The following NKAIN3 variants were observed in gnomAD, a reference collection of about 807,000 sequenced individuals.
NKAIN3 encodes sodium/potassium-transporting ATPase subunit beta-1-interacting protein 3.
A neutral mutation model predicts 30.2 loss-of-function variants in NKAIN3; 25 were observed. The observed-to-expected ratio is 0.83, with a 90% CI of 0.60 to 1.16. NKAIN3 has a LOEUF of 1.16. NKAIN3 is among the 50% of genes most tolerant of loss of function. The pLI is 0.00. For missense variants in NKAIN3, 225 were observed against 254.1 expected (o/e 0.89, Z 0.78); for synonymous variants, 91 against 89.6 (o/e 1.02, Z -0.09).
At chr8:62,674,980 G>A (rs904568632) in intron 3 of NKAIN3, among the ~76,000 whole-genome samples, 10 of 152,242 alleles carry the variant, frequency 6.6e-5, no homozygotes, top group South Asian at 6.2e-4. Context: ...ACACACAGGC[G>A]TCCACATGAA....
At chr8:62,351,043 G>A (rs1453027108) in intron 1 of NKAIN3, among the ~76,000 whole-genome samples, 8 of 150,734 alleles carry the variant, frequency 5.3e-5, no homozygotes, top group Non-Finnish European at 1.5e-5. Flanking sequence ...TCAGACAGAA[G>A]TATATAAAAA....
chr8:62,303,693 C>A (rs1305983217), intron 1 of NKAIN3, among the ~76,000 whole-genome samples: 1 of 150,350 alleles, frequency 6.7e-6, no homozygotes, highest in African/African-American at 2.5e-5. Flanking sequence ...TGAAAAAAAT[C>A]AGATAACTTC....
intron 3 of NKAIN3, among the ~76,000 whole-genome samples, chr8:62,651,799 C>A (rs1030104352): frequency 2.0e-5 from 3 of 152,076 alleles, no homozygotes; most frequent in Non-Finnish European, 4.4e-5. Context: ...TCACTCAGTT[C>A]ACATGGGTTC....
intron 3 of NKAIN3, among the ~76,000 whole-genome samples, chr8:62,696,636 A>G (rs1814163826): frequency 6.6e-6 from 1 of 151,758 alleles, no homozygotes; most frequent in South Asian, 2.1e-4. Context: ...TTGATTCTAC[A>G]TTTAGTTCTC....
chr8:62,326,926 G>A (rs1815160760), intron 1 of NKAIN3, among the ~76,000 whole-genome samples: 1 of 151,932 alleles, frequency 6.6e-6, no homozygotes, highest in African/African-American at 2.4e-5. Context: ...CGCCGACAGG[G>A]AATAAAGATG....
intron 3 of NKAIN3, among the ~76,000 whole-genome samples, chr8:62,688,724 A>G (rs1813869358): frequency 1.4e-5 from 2 of 147,512 alleles, no homozygotes; most frequent in Non-Finnish European, 3.0e-5. Flanking sequence ...ACATAGACAC[A>G]GACAGACAGA....
intron 3 of NKAIN3, among the ~76,000 whole-genome samples, chr8:62,628,017 C>T (rs1811841821): frequency 6.6e-6 from 1 of 152,088 alleles, no homozygotes; most frequent in African/African-American, 2.4e-5. Flanking sequence ...TCATCACAGC[C>T]ACCCAGATCT....
Position 62,850,189 on chromosome 8 carries a change from A to G in NKAIN3, c.472-68264A>G, listed in dbSNP as rs200612131. On this transcript the variant is annotated intron_variant, in intron 4 of 6. Coordinates refer to ENST00000623646, the MANE Select transcript of NKAIN3 (RefSeq NM_001304533.3). ...CTATCTCATTGTGGTTTTGATTTGC[A>G]TTTCTCTGATGGCCAGTGATGATGA... 2.0e-4 allele frequency among the ~76,000 whole-genome samples: 31 copies of G among 152,110 alleles called. No individual in the cohort carries two copies. The East Asian group carries it at 5.6e-3, about 28-fold the overall frequency.
chr8:62,958,291 C>G (rs774096369), intron 6 of NKAIN3, among the ~76,000 whole-genome samples: 1 of 152,056 alleles, frequency 6.6e-6, no homozygotes, highest in South Asian at 2.1e-4. Flanking sequence ...CTAAAGCTAT[C>G]GAGATGCTTT....
At chr8:62,625,775 CTTCCTTT>C (rs1333960594) in intron 3 of NKAIN3, among the ~76,000 whole-genome samples, 1 of 152,014 alleles carries the variant, frequency 6.6e-6, no homozygotes, top group African/African-American at 2.4e-5. Context: ...GCCATTTTCT[CTTCCTTT>C]TTCCTTTGTT....
chr8:62,948,350 C>A (rs1384300804), intron 5 of NKAIN3, among the ~76,000 whole-genome samples: 1 of 152,034 alleles, frequency 6.6e-6, no homozygotes, highest in Non-Finnish European at 1.5e-5. Context: ...CAGGCACGCG[C>A]CACCACGCCC....
intron 3 of NKAIN3, among the ~76,000 whole-genome samples, chr8:62,701,262 C>T (rs1460286242): frequency 6.6e-6 from 1 of 152,160 alleles, no homozygotes; most frequent in Non-Finnish European, 1.5e-5. Flanking sequence ...AGTGGAGTCT[C>T]AGTTTGGTGT....
chr8:62,847,794 A>AT (rs35516763), intron 4 of NKAIN3, among the ~76,000 whole-genome samples: 121,231 of 151,986 alleles, frequency 0.8, 48,768 homozygotes, highest in South Asian at 0.87. Context: ...GTTTTCTTCT[A>AT]GGTTTTTATA....
At chr8:62,794,682 G>A (rs1277010456) in intron 4 of NKAIN3, among the ~76,000 whole-genome samples, 1 of 152,132 alleles carries the variant, frequency 6.6e-6, no homozygotes, top group African/African-American at 2.4e-5. Flanking sequence ...TTATTAGGGA[G>A]AGCATTACAA....
At position 62,592,213 on chromosome 8, in the gene NKAIN3, A is replaced by C. The variant is rs1460519901; in HGVS notation, c.273+2419A>C. 2.0e-5 allele frequency among the ~76,000 whole-genome samples: 3 copies of C among 152,128 alleles called. No homozygotes were observed. The East Asian group carries it at 5.8e-4, about 30-fold the overall frequency. On this transcript the variant is annotated intron_variant, in intron 3 of 6. Coordinates refer to ENST00000623646, the MANE Select transcript of NKAIN3 (RefSeq NM_001304533.3). Reference sequence around the variant, plus strand: ...AGGTGTTCTTTTGCTGACAATTTGCATTCATGGAGTGACAGCAATCCTGTC... The same window carrying C: ...AGGTGTTCTTTTGCTGACAATTTGCCTTCATGGAGTGACAGCAATCCTGTC...
chr8:62,707,056 TACACAC>T (rs35879987), intron 3 of NKAIN3, among the ~76,000 whole-genome samples: 2,928 of 143,384 alleles, frequency 0.02, 39 homozygotes, highest in Non-Finnish European at 0.033. Flanking sequence ...CATACATACA[TACACAC>T]ACACACACAC....
At chr8:62,673,331 T>A (rs1813369553) in intron 3 of NKAIN3, among the ~76,000 whole-genome samples, 1 of 152,096 alleles carries the variant, frequency 6.6e-6, no homozygotes, top group Non-Finnish European at 1.5e-5. Flanking sequence ...ATGCATAGAG[T>A]AAACAAGTCC....
At chr8:62,386,046 C>T (rs183293975) in intron 1 of NKAIN3, among the ~76,000 whole-genome samples, 13 of 152,282 alleles carry the variant, frequency 8.5e-5, no homozygotes, top group African/African-American at 2.6e-4. Context: ...GTTCTCAAAG[C>T]GCTGGGTACA....
intron 1 of NKAIN3, among the ~76,000 whole-genome samples, chr8:62,355,403 T>C (rs915305810): frequency 1.3e-5 from 2 of 152,214 alleles, no homozygotes; most frequent in Non-Finnish European, 1.5e-5. Context: ...GGGATCAGCA[T>C]TGGCATCCCA....
Sources: allele counts gnomAD v4.1 joint callset (sites outside exome capture counted in the v4.1 genomes callset), GRCh38; gene constraint gnomAD v4.1.1; transcripts MANE v1.5; gene names NCBI Gene and HGNC (gene_info 2026-07-23, HGNC 2026-07-21).